Variants in RBM41 observed in about 807,000 individuals in gnomAD.
RBM41 encodes RNA-binding protein 41.
Under a neutral mutation model 30.8 loss-of-function variants are expected in RBM41, and 14 were observed. That is an observed-to-expected ratio of 0.45 (90% CI 0.30 to 0.71). RBM41 has a LOEUF of 0.71. RBM41 is among the 30% of genes least tolerant of loss of function. RBM41 has a pLI of 0.08. For missense variants in RBM41, 276 were observed against 326.3 expected (o/e 0.85, Z 1.19); for synonymous variants, 120 against 110.1 (o/e 1.09, Z -0.56).
rs1231789700 is a variant in RBM41 at position 107,062,753 on chromosome X, C to A, written c.*4774G>T. Among the ~76,000 whole-genome samples, 1 of 111,827 alleles carries A rather than the reference C, an allele frequency of 8.9e-6. No individual in the cohort carries two copies. Among genetic ancestry groups the A allele is most frequent in the African/African-American group, 3.2e-5 (1 of 30,798 alleles). On this transcript the variant is annotated 3_prime_UTR_variant, in exon 8 of 8. Transcript: ENST00000685964. ...CAATCCCACTTCCAAAGGTTTATAA[C>A]TTTCTATGTCTATTTCCCAGCTTTT...
intron 6 of RBM41, among the ~76,000 whole-genome samples, chrX:107,086,777 C>T (rs1341825141): frequency 6.3e-5 from 7 of 111,596 alleles, no homozygotes; most frequent in Admixed American, 9.5e-5. Flanking sequence ...ATACTTGTTG[C>T]AGAATTAACT....
Position 107,076,364 on chromosome X carries a change from T to TAAATAAAA in RBM41, c.1000-6963_1000-6962insTTTTATTT, listed in dbSNP as rs1169514539. On this transcript the variant is annotated intron_variant, in intron 6 of 7. Transcript: ENST00000685964. The stretch of plus-strand genomic sequence containing the variant: ...ATAAATAAATAAATAAATAAATAAA[T>TAAATAAAA]AAAATACAATGGAATATTATTTAGC... Among the ~76,000 whole-genome samples the TAAATAAAA allele has an allele frequency of 3.2e-3, 334 of 103,891 alleles. 2 individuals carry two copies. The highest frequency in any genetic ancestry group is 5.0e-3 in the Middle Eastern group (1 of 199). 90.2% of individuals were successfully genotyped at this position (103,891 alleles called of 115,157 possible).
chrX:107,055,569 C>A, the RBM41 span, among the ~76,000 whole-genome samples: 2 of 112,308 alleles, frequency 1.8e-5, no homozygotes, highest in Non-Finnish European at 3.8e-5. Flanking sequence ...CGTGATCTGC[C>A]CGCCTTGGCC....
Position 107,065,562 on chromosome X carries a change from ACATT to A in RBM41, c.*1961_*1964del, listed in dbSNP as rs1318165657. 1 of 344,864 alleles carries A rather than the reference ACATT, an allele frequency of 2.9e-6. No individual in the cohort carries two copies. The highest frequency in any genetic ancestry group is 4.8e-5 in the East Asian group (1 of 20,770). The allele number at this position is 344,864 out of a possible 1,213,427, so 28.4% of individuals were successfully genotyped here. A position where few individuals can be genotyped will look rare whatever the true frequency, so the allele number is the denominator to read the frequency against. ...TTCCTATACATTACAAACCCAACAC[ACATT>A]ATTATAATTACTTAATATAATTTTA... is the stretch of plus-strand genomic sequence containing the variant. On this transcript the variant is annotated 3_prime_UTR_variant, in exon 8 of 8. Transcript: ENST00000685964.
At chrX:107,117,692 G>A (rs1343597337) in intron 1 of RBM41, among the ~76,000 whole-genome samples, 1 of 111,683 alleles carries the variant, frequency 9.0e-6, no homozygotes, top group Non-Finnish European at 1.9e-5. Context: ...TACATGACTA[G>A]GAACATTTTG....
chrX:107,068,804 T>C (rs1240626763), intron 7 of RBM41, among the ~76,000 whole-genome samples: 4 of 112,387 alleles, frequency 3.6e-5, no homozygotes, highest in Non-Finnish European at 7.5e-5. Context: ...TTAATTAATA[T>C]GCAAATAATA....
chrX:107,100,411 G>A (rs776847868), intron 5 of RBM41, among the ~76,000 whole-genome samples: 4 of 109,419 alleles, frequency 3.7e-5, no homozygotes, highest in African/African-American at 1.3e-4. Context: ...GGAATTGCTC[G>A]AACCTGGGAA....
At position 107,064,597 on chromosome X, in the gene RBM41, C is replaced by G. The variant is rs1487669926; in HGVS notation, c.*2930G>C. The G allele has an allele frequency of 2.7e-5, 3 of 111,405 alleles. No individual in the cohort carries two copies. The Admixed American group carries it at 2.9e-4, about 11-fold the overall frequency. The allele number at this position is 111,405 out of a possible 1,213,427, so 9.2% of individuals were successfully genotyped here. A position where few individuals can be genotyped will look rare whatever the true frequency, so the allele number is the denominator to read the frequency against. Reference sequence around the variant, plus strand: ...TTCCACATATTTGTGAGTTTCCCAACTTTTCATTGTTTTCTAACTTCATCC... The same window carrying G: ...TTCCACATATTTGTGAGTTTCCCAAGTTTTCATTGTTTTCTAACTTCATCC... On this transcript the variant is annotated 3_prime_UTR_variant, in exon 8 of 8. Transcript: ENST00000685964.
chrX:107,117,438 A>G (rs1043349086), intron 1 of RBM41, among the ~76,000 whole-genome samples: 1 of 111,864 alleles, frequency 8.9e-6, no homozygotes, highest in Non-Finnish European at 1.9e-5. Flanking sequence ...AAATGGTAAT[A>G]GTGAAAATGG....
chrX:107,074,624 GAAC>G (rs1936172194), intron 6 of RBM41, among the ~76,000 whole-genome samples: 1 of 111,604 alleles, frequency 9.0e-6, no homozygotes, highest in Non-Finnish European at 1.9e-5. Flanking sequence ...CACTACCAAT[GAAC>G]AATATGAAGA....
chrX:107,059,898 C>T (rs1342775386), downstream of RBM41, among the ~76,000 whole-genome samples: 1 of 111,386 alleles, frequency 9.0e-6, no homozygotes, highest in East Asian at 2.8e-4. Flanking sequence ...AATGACAACT[C>T]AACATCTAGT....
chrX:107,052,264 CG>C, the RBM41 span, among the ~76,000 whole-genome samples: 1 of 111,208 alleles, frequency 9.0e-6, no homozygotes. Context: ...TGCTCTCAGG[CG>C]ATAGATGACT....
In RBM41 at chrX:107,066,346, G is replaced by GT. The variant is rs1389616816; in HGVS notation, c.*1180dup. 2 of 111,212 alleles carry GT rather than the reference G, an allele frequency of 1.8e-5. No homozygotes were observed. Among genetic ancestry groups the GT allele is most frequent in the East Asian group, 5.6e-4 (2 of 3,557 alleles). The allele number at this position is 111,212 out of a possible 1,213,427, so 9.2% of individuals were successfully genotyped here. The stretch of plus-strand genomic sequence containing the variant: ...GTTAATGTCTCTCATCAAATCGGGG[G>GT]TATTTATAGCCATTATTTCTTAGAA... On this transcript the variant is annotated 3_prime_UTR_variant, in exon 8 of 8. Coordinates refer to ENST00000685964, the MANE Select transcript of RBM41 (RefSeq NM_001324242.2).
At chrX:107,099,340 G>A (rs1325609818) in intron 5 of RBM41, among the ~76,000 whole-genome samples, 7 of 111,394 alleles carry the variant, frequency 6.3e-5, no homozygotes, top group African/African-American at 2.0e-4. Flanking sequence ...CTATATCTTA[G>A]TGCTTTGGTG....
downstream of RBM41, among the ~76,000 whole-genome samples, chrX:107,061,135 T>G (rs1152332): frequency 0.05 from 5,622 of 111,419 alleles, 371 homozygotes; most frequent in African/African-American, 0.18. Context: ...AAATGCAATG[T>G]GGCATCCTGG....
At chrX:107,101,972 G>C (rs921208520) in intron 5 of RBM41, among the ~76,000 whole-genome samples, 1 of 111,430 alleles carries the variant, frequency 9.0e-6, no homozygotes, top group Non-Finnish European at 1.9e-5. Flanking sequence ...ATTCTGGTAA[G>C]GGCTCAGAAA....
At chrX:107,116,321 T>TA (rs747055456) in intron 2 of RBM41, 24 of 834,754 alleles carry the variant, frequency 2.9e-5, no homozygotes, top group African/African-American at 1.3e-4. Flanking sequence ...AATAGCTTTA[T>TA]AAAAAAGATA....
intron 6 of RBM41, among the ~76,000 whole-genome samples, chrX:107,087,056 A>G (rs1162561247): frequency 1.8e-5 from 2 of 111,719 alleles, no homozygotes; most frequent in African/African-American, 6.5e-5. Flanking sequence ...ATAAATAGCA[A>G]ATTCAGGATA....
intron 6 of RBM41, among the ~76,000 whole-genome samples, chrX:107,076,657 T>C (rs1046315780): frequency 9.0e-6 from 1 of 111,431 alleles, no homozygotes; most frequent in African/African-American, 3.3e-5. Flanking sequence ...ATTGTGCTTA[T>C]TATTCACAAT....
Sources: allele counts gnomAD v4.1 joint callset (sites outside exome capture counted in the v4.1 genomes callset), GRCh38; gene constraint gnomAD v4.1.1; transcripts MANE v1.5; gene names NCBI Gene and HGNC (gene_info 2026-07-23, HGNC 2026-07-21).